Variants in PACSIN1 observed in about 807,000 individuals in gnomAD.
PACSIN1 encodes protein kinase C and casein kinase substrate in neurons 1.
A neutral mutation model predicts 59.5 loss-of-function variants in PACSIN1; 15 were observed. The observed-to-expected ratio is 0.25, with a 90% CI of 0.17 to 0.39. The LOEUF (loss-of-function observed/expected upper bound fraction) is 0.39, where lower values mean the gene tolerates loss of function less well. Ranked by LOEUF, PACSIN1 falls within the 10% of genes least tolerant of loss-of-function variation. The pLI, the probability that PACSIN1 is intolerant of heterozygous loss-of-function variation, is 1.00. For missense variants in PACSIN1, 420 were observed against 580.2 expected (o/e 0.72, Z 2.84); for synonymous variants, 210 against 220.6 (o/e 0.95, Z 0.42).
intron 1 of PACSIN1, among the ~76,000 whole-genome samples, chr6:34,501,962 G>T (rs1355073745): frequency 2.0e-5 from 3 of 149,600 alleles, no homozygotes; most frequent in Non-Finnish European, 4.4e-5. Flanking sequence ...AACCCAGGAG[G>T]CAGAGGTTGC....
In PACSIN1 at chr6:34,525,901, G is replaced by A. The variant is rs767160580; in HGVS notation, c.-63-342G>A. Among the ~76,000 whole-genome samples the A allele has an allele frequency of 5.9e-5, 9 of 152,082 alleles. No homozygotes were observed. Among genetic ancestry groups the A allele is most frequent in the African/African-American group, 9.7e-5 (4 of 41,400 alleles). ...GACAGAAGGGCATTTACAGGGTCCC[G>A]GGGCTCAGATAACTGAGGAGGCGCT... On this transcript the variant is annotated intron_variant, in intron 1 of 9. Coordinates refer to ENST00000244458, the MANE Select transcript of PACSIN1 (RefSeq NM_020804.5). The surrounding 1 kb of genome is among the most constrained non-coding windows in gnomAD (Gnocchi z 4.9).
At chr6:34,520,816 A>G (rs1767378416) in intron 1 of PACSIN1, among the ~76,000 whole-genome samples, 2 of 149,930 alleles carry the variant, frequency 1.3e-5, no homozygotes, top group South Asian at 2.2e-4. Context: ...AGGGCTCTCC[A>G]GGAGAAGCCC....
chr6:34,468,422 A>G (rs983094837), intron 1 of PACSIN1, among the ~76,000 whole-genome samples: 12 of 152,214 alleles, frequency 7.9e-5, no homozygotes, highest in Admixed American at 2.0e-4. Context: ...ACATTCAGTC[A>G]TTCAATCATT....
chr6:34,527,313 C>T lies in PACSIN1; in HGVS notation c.64-19C>T, dbSNP rs764615541. On this transcript the variant is annotated intron_variant, in intron 2 of 9. Transcript: ENST00000244458. The stretch of plus-strand genomic sequence containing the variant: ...ACGCTGGGAACCCGCGGGAGTGGTG[C>T]TCGCTGCTTGGCCGCCAGGTGGGGA... 7.2e-6 allele frequency: 11 copies of T among 1,530,556 alleles called. No individual in the cohort carries two copies. The Admixed American group carries it at 1.0e-4, about 14-fold the overall frequency. The allele number at this position is 1,530,556 out of a possible 1,614,324, so 94.8% of individuals were successfully genotyped here.
chr6:34,478,863 A>G (rs1330686645), intron 1 of PACSIN1, among the ~76,000 whole-genome samples: 1 of 152,184 alleles, frequency 6.6e-6, no homozygotes, highest in Non-Finnish European at 1.5e-5. Context: ...TTTGGCTCAC[A>G]ATTCTGGAGG....
intron 1 of PACSIN1, among the ~76,000 whole-genome samples, chr6:34,499,948 G>T (rs933616477): frequency 3.9e-5 from 6 of 152,042 alleles, no homozygotes; most frequent in Admixed American, 1.3e-4. Flanking sequence ...GTACATCAGA[G>T]GACACTATCA....
rs112058866 is a variant in PACSIN1, at chr6:34,517,575, G to A, written c.-63-8668G>A. On this transcript the variant is annotated intron_variant, in intron 1 of 9. Transcript: ENST00000244458. ...CCCTTGCTCCTCAAGCCTGGCAGCC[G>A]GCTTCTGCCCCAGGGCCTTTGCATG... Among the ~76,000 whole-genome samples, 1,027 of 148,580 alleles carry A rather than the reference G, an allele frequency of 6.9e-3. 10 individuals are homozygous for A. The highest frequency in any genetic ancestry group is 0.022 in the African/African-American group (888 of 40,010).
At position 34,531,862 on chromosome 6, in the gene PACSIN1, G is replaced by T; in HGVS notation, c.1225+75G>T. ...GGGTGTGTGGTGGTGCAGGGGCGGT[G>T]CCTGAGAGAGAAGCTTGGGTCTGGA... is the stretch of plus-strand genomic sequence containing the variant. On this transcript the variant is annotated intron_variant, in intron 9 of 9. Coordinates refer to ENST00000244458, the MANE Select transcript of PACSIN1 (RefSeq NM_020804.5). This position sits in a 1 kb window ranked among gnomAD's most constrained non-coding sequence, Gnocchi z 4.4. 7.2e-7 allele frequency: 1 copy of T among 1,390,436 alleles called. No homozygotes were observed. The allele number at this position is 1,390,436 out of a possible 1,614,324, so 86.1% of individuals were successfully genotyped here.
intron 1 of PACSIN1, among the ~76,000 whole-genome samples, chr6:34,480,062 G>A (rs1766693517): frequency 6.6e-6 from 1 of 151,794 alleles, no homozygotes; most frequent in Non-Finnish European, 1.5e-5. Context: ...CTGACCTCAG[G>A]TGATCCACCC....
rs1190425912 is a variant in PACSIN1, at chr6:34,466,076, A to G, written c.-258A>G. The G allele has an allele frequency of 6.6e-6, 1 of 151,946 alleles. No individual in the cohort carries two copies. The highest frequency in any genetic ancestry group is 1.5e-5 in the Non-Finnish European group (1 of 68,086). 9.4% of individuals were successfully genotyped at this position (151,946 alleles called of 1,614,324 possible). ...TCTGCTCGGTGCACGCCTCCTCCTC[A>G]TCCTTCCCCCCTCTCCGCCTCAGCT... On this transcript the variant is annotated 5_prime_UTR_variant, in exon 1 of 10. Coordinates refer to ENST00000244458, the MANE Select transcript of PACSIN1 (RefSeq NM_020804.5).
At chr6:34,509,327 G>T (rs1231900071) in intron 1 of PACSIN1, among the ~76,000 whole-genome samples, 1 of 152,144 alleles carries the variant, frequency 6.6e-6, no homozygotes, top group Non-Finnish European at 1.5e-5. Flanking sequence ...AAGATCTGTT[G>T]ATCATATATG....
intron 1 of PACSIN1, among the ~76,000 whole-genome samples, chr6:34,519,254 C>G (rs1767345974): frequency 6.6e-6 from 1 of 152,134 alleles, no homozygotes; most frequent in African/African-American, 2.4e-5. Flanking sequence ...CTGGGCCTCT[C>G]TGGGGCCCTC....
In PACSIN1 at chr6:34,516,406, A is replaced by G. The variant is rs1767292399; in HGVS notation, c.-63-9837A>G. ...AGGTCTCGGGGATGGCAGAAACGGG[A>G]TGCAGATTCGCCTGTGCGCACTGAC... On this transcript the variant is annotated intron_variant, in intron 1 of 9. Coordinates refer to ENST00000244458, the MANE Select transcript of PACSIN1 (RefSeq NM_020804.5). This position sits in a 1 kb window ranked among gnomAD's most constrained non-coding sequence, Gnocchi z 5.4. Among the ~76,000 whole-genome samples, 1 of 152,152 alleles carries G rather than the reference A, an allele frequency of 6.6e-6. No homozygotes were observed. Among genetic ancestry groups the G allele is most frequent in the Non-Finnish European group, 1.5e-5 (1 of 68,012 alleles).
rs1455237468 is a variant in PACSIN1, at chr6:34,532,099, A to T, written c.1225+312A>T. Among the ~76,000 whole-genome samples, 1 of 151,922 alleles carries T rather than the reference A, an allele frequency of 6.6e-6. No individual in the cohort carries two copies. The highest frequency in any genetic ancestry group is 1.5e-5 in the Non-Finnish European group (1 of 67,986). ...GTTGTGGGCGTGACCTGGGCCCAGG[A>T]TGGGAGTGGGGGCAAGATTTAGATT... On this transcript the variant is annotated intron_variant, in intron 9 of 9. Transcript: ENST00000244458. This position sits in a 1 kb window ranked among gnomAD's most constrained non-coding sequence, Gnocchi z 5.2.
At position 34,529,904 on chromosome 6, in the gene PACSIN1, C is replaced by G. The variant is rs936429037; in HGVS notation, c.788+63C>G. On this transcript the variant is annotated intron_variant, in intron 6 of 9. Transcript: ENST00000244458. The surrounding 1 kb of genome is among the most constrained non-coding windows in gnomAD (Gnocchi z 6.3). ...GCCAGCAGATGGTGTGACTGGCATG[C>G]AGGGCATCCCAGCCCTCCATCACAG... 1 of 1,512,946 alleles carries G rather than the reference C, an allele frequency of 6.6e-7. No individual in the cohort carries two copies. Among genetic ancestry groups the G allele is most frequent in the Non-Finnish European group, 9.0e-7 (1 of 1,109,238 alleles). The allele number at this position is 1,512,946 out of a possible 1,614,324, so 93.7% of individuals were successfully genotyped here. A position where few individuals can be genotyped will look rare whatever the true frequency, so the allele number is the denominator to read the frequency against.
intron 2 of PACSIN1, among the ~76,000 whole-genome samples, chr6:34,526,839 G>GA (rs1767494055): frequency 6.6e-6 from 1 of 151,996 alleles, no homozygotes; most frequent in Non-Finnish European, 1.5e-5. Flanking sequence ...GAGACCTGGA[G>GA]AAAAAAAATT....
At chr6:34,511,527 A>G (rs936035871) in intron 1 of PACSIN1, among the ~76,000 whole-genome samples, 5 of 152,162 alleles carry the variant, frequency 3.3e-5, no homozygotes, top group Non-Finnish European at 5.9e-5. Context: ...GCAGGGACTC[A>G]GTGATTGTAA....
At chr6:34,501,210 C>T (rs1306146518) in intron 1 of PACSIN1, among the ~76,000 whole-genome samples, 2 of 152,208 alleles carry the variant, frequency 1.3e-5, no homozygotes, top group Non-Finnish European at 2.9e-5. Flanking sequence ...TCCCAAAGTG[C>T]TGGGATTACA....
intron 1 of PACSIN1, among the ~76,000 whole-genome samples, chr6:34,491,619 T>C (rs1766878371): frequency 6.6e-6 from 1 of 151,786 alleles, no homozygotes; most frequent in African/African-American, 2.4e-5. Context: ...TCTTTTCTTT[T>C]TTTTTTTTTG....
Sources: gnomAD v4.1 joint callset for allele counts (sites outside exome capture counted in the v4.1 genomes callset) on GRCh38, gnomAD v4.1.1 for gene constraint, Gnocchi (gnomAD v3.1) non-coding constraint, MANE v1.5 for transcripts, NCBI Gene and HGNC (gene_info 2026-07-23, HGNC 2026-07-21) for gene names.